ATF6: variants seen among roughly 807,000 people sequenced by gnomAD.
ATF6 encodes cyclic AMP-dependent transcription factor ATF-6 alpha.
ATF6 carries 53 observed loss-of-function variants against 83.6 expected under a neutral mutation model. The observed-to-expected ratio is 0.63, with a 90% confidence interval of 0.51 to 0.80. The LOEUF is 0.80. ATF6 is among the 30% of genes least tolerant of loss of function. The pLI is 0.00. For synonymous variants in ATF6, 288 were observed against 285.8 expected (o/e 1.01, Z -0.08); for missense variants, 744 against 797.9 (o/e 0.93, Z 0.81).
intron 4 of ATF6, among the ~76,000 whole-genome samples, chr1:161,789,437 G>A (rs1033937378): frequency 1.3e-5 from 2 of 151,172 alleles, no homozygotes; most frequent in African/African-American, 4.9e-5. Context: ...TGCCTGGCTT[G>A]AAATATTTAT....
At chr1:161,795,495 TCA>T (rs1343275381) in intron 6 of ATF6, among the ~76,000 whole-genome samples, 4 of 152,208 alleles carry the variant, frequency 2.6e-5, no homozygotes, top group Non-Finnish European at 5.9e-5. Context: ...TTGCCCTAAG[TCA>T]CACACCGATG....
intron 14 of ATF6, among the ~76,000 whole-genome samples, chr1:161,894,372 T>A (rs1687624943): frequency 6.6e-6 from 1 of 151,778 alleles, no homozygotes; most frequent in Non-Finnish European, 1.5e-5. Flanking sequence ...TATGATTGAG[T>A]GAAATGTCTT....
rs60757093 is a variant in ATF6 at position 161,860,437 on chromosome 1, T to TAA, written c.1604+161_1604+162dup. ...ATATATATATATGTATATATATATA[T>TAA]AACATACTACTGAGCAGTTGGAATA... On this transcript the variant is annotated intron_variant, in intron 13 of 15. Transcript: ENST00000367942. Among the ~76,000 whole-genome samples the TAA allele has an allele frequency of 6.3e-3, 929 of 148,216 alleles. 6 individuals carry two copies. Among genetic ancestry groups the TAA allele is most frequent in the African/African-American group, 0.021 (842 of 40,368 alleles).
At chr1:161,851,599 A>G in intron 10 of ATF6, 123 bp from the exon 11 acceptor site, 1 of 586,702 alleles carries the variant, frequency 1.7e-6, no homozygotes, top group Non-Finnish European at 3.0e-6. Context: ...TTTATCTTGC[A>G]GTATATTCTG....
chr1:161,834,045 A>G (rs1686145447), intron 9 of ATF6, among the ~76,000 whole-genome samples: 1 of 152,250 alleles, frequency 6.6e-6, no homozygotes, highest in African/African-American at 2.4e-5. Context: ...CCATCAGACT[A>G]ACAGCTGATC....
chr1:161,859,086 T>C (rs981709414), intron 12 of ATF6, among the ~76,000 whole-genome samples: 15 of 152,338 alleles, frequency 9.8e-5, no homozygotes, highest in African/African-American at 3.1e-4. Context: ...TATAGTATTT[T>C]ATTATTTAAC....
Position 161,788,960 on chromosome 1 carries a change from T to C in ATF6, c.355-2448T>C, listed in dbSNP as rs553214639. The stretch of plus-strand genomic sequence containing the variant: ...GGTATTTTGTAATTGTTATTGCTAT[T>C]GTGAGTGAAATATTTATTTATTTGT... On this transcript the variant is annotated intron_variant, in intron 4 of 15. Transcript: ENST00000367942. Among the ~76,000 whole-genome samples the C allele has an allele frequency of 1.4e-3, 212 of 152,252 alleles. 1 individual carries two copies. Among genetic ancestry groups the C allele is most frequent in the African/African-American group, 4.9e-3 (205 of 41,574 alleles).
intron 15 of ATF6, among the ~76,000 whole-genome samples, chr1:161,919,342 T>C (rs1688158633): frequency 6.6e-6 from 1 of 152,208 alleles, no homozygotes; most frequent in Non-Finnish European, 1.5e-5. Flanking sequence ...CTGATTTCTT[T>C]TTTTTAAAGG....
chr1:161,958,293 C>G (rs1289994094), intron 15 of ATF6, among the ~76,000 whole-genome samples, 153 bp from the exon 16 acceptor site: 1 of 152,238 alleles, frequency 6.6e-6, no homozygotes, highest in African/African-American at 2.4e-5. Context: ...ACTTGTAGCT[C>G]TGCTTACTGA....
intron 15 of ATF6, among the ~76,000 whole-genome samples, chr1:161,930,425 A>G (rs567999381): frequency 3.4e-4 from 52 of 152,322 alleles, no homozygotes; most frequent in African/African-American, 1.2e-3. Flanking sequence ...TTAAGCTACA[A>G]TATATTTTAA....
chr1:161,918,132 G>A (rs541801989), intron 15 of ATF6, among the ~76,000 whole-genome samples: 8 of 152,224 alleles, frequency 5.3e-5, no homozygotes, highest in Non-Finnish European at 1.0e-4. Flanking sequence ...TTCATTGGGA[G>A]CAGTATAACA....
In ATF6 at chr1:161,863,202, A is replaced by T; in HGVS notation, c.1609A>T (p.Asn537Tyr). 6.3e-7 allele frequency: 1 copy of T among 1,582,150 alleles called. No homozygotes were observed. The change falls in exon 14 of 16, where the codon AAC (asparagine) becomes TAC (tyrosine). Residue 537 changes from asparagine to tyrosine, a missense_variant. Physicochemically the swap from Asn to Tyr is moderately radical, Grantham distance 143. Coordinates refer to ENST00000367942, the MANE Select transcript of ATF6 (RefSeq NM_007348.4). Reference protein sequence around the residue: ...YTETTSSISRNSGSELQVYYA... With the variant: ...YTETTSSISRYSGSELQVYYA... ...CTTATATTTTTCTTACTTTAGCAGG[A>T]ACTCAGGGAGTGAGCTACAAGTGTA...
intron 14 of ATF6, among the ~76,000 whole-genome samples, chr1:161,909,095 C>T (rs1396138908): frequency 6.6e-6 from 1 of 152,066 alleles, no homozygotes; most frequent in Non-Finnish European, 1.5e-5. Context: ...ACAGAAAATC[C>T]AAAATAATAG....
chr1:161,804,400 A>C (rs1685228252), intron 7 of ATF6, among the ~76,000 whole-genome samples: 1 of 152,154 alleles, frequency 6.6e-6, no homozygotes, highest in Non-Finnish European at 1.5e-5. Context: ...AGTCCAGAAA[A>C]GCATAGCTAG....
At chr1:161,935,371 G>T (rs1484426536) in intron 15 of ATF6, among the ~76,000 whole-genome samples, 1 of 152,110 alleles carries the variant, frequency 6.6e-6, no homozygotes, top group Non-Finnish European at 1.5e-5. Flanking sequence ...CATAAAATAG[G>T]CCCTGGAGAG....
chr1:161,941,187 TGCTGG>T (rs1688635767), intron 15 of ATF6, among the ~76,000 whole-genome samples: 2 of 152,380 alleles, frequency 1.3e-5, no homozygotes, highest in African/African-American at 4.8e-5. Context: ...CAACTGAATC[TGCTGG>T]GCTATATATT....
chr1:161,766,859 G>A (rs1226656265), intron 1 of ATF6, among the ~76,000 whole-genome samples: 1 of 152,156 alleles, frequency 6.6e-6, no homozygotes, highest in East Asian at 1.9e-4. Flanking sequence ...AGAGAATGTG[G>A]TTATATACAA....
intron 13 of ATF6, among the ~76,000 whole-genome samples, chr1:161,860,539 A>G (rs1252200455): frequency 6.6e-6 from 1 of 151,834 alleles, no homozygotes; most frequent in Non-Finnish European, 1.5e-5. Flanking sequence ...TTCCATCATA[A>G]TTTTGATGAA....
chr1:161,860,000 G>A (rs1417019707), intron 12 of ATF6, among the ~76,000 whole-genome samples: 1 of 152,042 alleles, frequency 6.6e-6, no homozygotes, highest in Non-Finnish European at 1.5e-5. Context: ...TGCCTTAAAT[G>A]CCTTAATCTC....
Sources: allele counts gnomAD v4.1 joint callset (sites outside exome capture counted in the v4.1 genomes callset), GRCh38; gene constraint gnomAD v4.1.1; transcripts MANE v1.5; gene names NCBI Gene and HGNC (gene_info 2026-07-23, HGNC 2026-07-21).